Variants in ZC3H6 observed in about 807,000 individuals in gnomAD.
ZC3H6 encodes the protein zinc finger CCCH-type containing 6.
Under a neutral mutation model 107.7 loss-of-function variants are expected in ZC3H6, and 40 were observed. The ratio of observed to expected loss-of-function variants is 0.37; its 90% CI spans 0.29 to 0.48. The LOEUF is 0.48. Among genes scored for constraint, ZC3H6 ranks in the 20% least tolerant of loss-of-function variants. ZC3H6 has a pLI of 0.98. For synonymous variants in ZC3H6, 493 were observed against 487.9 expected, an observed-to-expected ratio of 1.01 and a Z score of -0.14; for missense variants, 1,267 against 1,410.4, an observed-to-expected ratio of 0.90 and a Z score of 1.63.
Position 112,311,831 on chromosome 2 carries a change from A to C in ZC3H6, c.641A>C (p.Asn214Thr). 3.7e-6 allele frequency: 6 copies of C among 1,612,768 alleles called. No homozygotes were observed. Among genetic ancestry groups the C allele is most frequent in the Non-Finnish European group, 5.1e-6 (6 of 1,179,196 alleles). ...QGIEQRVKSF[N>T]VGRGRGLPKK... is the part of the protein sequence containing the mutation. Reference sequence around the variant, plus strand: ...ATTGAACAGAGAGTTAAAAGTTTTAATGTTGGTCGTGGACGTGGCTTGCCG... The same window carrying C: ...ATTGAACAGAGAGTTAAAAGTTTTACTGTTGGTCGTGGACGTGGCTTGCCG... The change falls in exon 5 of 12, where the codon AAT becomes ACT. Residue 214 changes from asparagine to threonine, a missense_variant. Physicochemically the swap from Asn to Thr is moderately conservative, Grantham distance 65. This residue lies in a region of ZC3H6 where 337 missense variants were observed against 361.2 expected (regional missense o/e 0.93). Coordinates refer to ENST00000409871, the MANE Select transcript of ZC3H6 (RefSeq NM_198581.3).
chr2:112,307,633 C>T (rs1288020380), intron 3 of ZC3H6, among the ~76,000 whole-genome samples: 2 of 152,116 alleles, frequency 1.3e-5, no homozygotes, highest in Non-Finnish European at 2.9e-5. Flanking sequence ...CTCTGTCACC[C>T]TTCATTCATT....
intron 7 of ZC3H6, among the ~76,000 whole-genome samples, chr2:112,320,542 ATGT>A (rs1264641926): frequency 6.6e-6 from 1 of 152,184 alleles, no homozygotes; most frequent in African/African-American, 2.4e-5. Context: ...TTTAAAAAAA[ATGT>A]TGTAATAGTC....
At chr2:112,291,781 C>T (rs1214675023) in intron 1 of ZC3H6, among the ~76,000 whole-genome samples, 2 of 152,042 alleles carry the variant, frequency 1.3e-5, no homozygotes, top group Non-Finnish European at 2.9e-5. Flanking sequence ...TGCAGTGGCT[C>T]GATCTTAGCT....
In ZC3H6 at chr2:112,324,287, T is replaced by C; in HGVS notation, c.1476T>C (p.Pro492=). 1 of 1,614,026 alleles carries C rather than the reference T, an allele frequency of 6.2e-7. No homozygotes were observed. Among genetic ancestry groups the C allele is most frequent in the Non-Finnish European group, 8.5e-7 (1 of 1,179,874 alleles). ...GPNMSQGHSS[P]VMHPGSPGHH... ...ACATGTCTCAGGGACACAGTAGTCC[T>C]GTGATGCACCCAGGCTCCCCTGGAC... Residue 492 remains proline, a synonymous_variant, in exon 10 of 12, where the codon CCT becomes CCC. Coordinates refer to ENST00000409871, the MANE Select transcript of ZC3H6 (RefSeq NM_198581.3).
intron 1 of ZC3H6, among the ~76,000 whole-genome samples, chr2:112,277,453 T>C (rs551925660): frequency 2.6e-4 from 40 of 152,190 alleles, no homozygotes; most frequent in Non-Finnish European, 5.6e-4. Context: ...GTAACTTCTA[T>C]ATATGGAGTT....
rs2104732558 is a variant in ZC3H6 at position 112,337,555 on chromosome 2, C to T, written c.*5067C>T. ...CAGGCTGATCTTGAACTCCTGACCC[C>T]AGGTGATCCACCCGCCTCAACCTCC... is the stretch of plus-strand genomic sequence containing the variant. On this transcript the variant is annotated 3_prime_UTR_variant, in exon 12 of 12. Transcript: ENST00000409871. 6.6e-6 allele frequency: 1 copy of T among 152,208 alleles called. No individual in the cohort carries two copies. Among genetic ancestry groups the T allele is most frequent in the South Asian group, 2.1e-4 (1 of 4,808 alleles). 9.4% of individuals were successfully genotyped at this position (152,208 alleles called of 1,614,324 possible). A position where few individuals can be genotyped will look rare whatever the true frequency, so the allele number is the denominator to read the frequency against.
rs1676168277 is a variant in ZC3H6, at chr2:112,293,813, A to G, written c.33-6036A>G. Reference sequence around the variant, plus strand: ...GCAAGCTGACATATTCAGACAGTTTATTAATTACTTAGAGAAATGCATGAT... The same window carrying G: ...GCAAGCTGACATATTCAGACAGTTTGTTAATTACTTAGAGAAATGCATGAT... On this transcript the variant is annotated intron_variant, in intron 1 of 11. Coordinates refer to ENST00000409871, the MANE Select transcript of ZC3H6 (RefSeq NM_198581.3). Among the ~76,000 whole-genome samples, 3 of 152,246 alleles carry G rather than the reference A, an allele frequency of 2.0e-5. No homozygotes were observed. In the South Asian group the frequency reaches 6.2e-4, roughly 31 times the overall value.
chr2:112,276,094 C>CG, intron 1 of ZC3H6, 68 bp downstream of exon 1: 1 of 1,446,460 alleles, frequency 6.9e-7, no homozygotes, highest in Non-Finnish European at 9.4e-7. Context: ...GGGAGCGGGC[C>CG]GGGGCCGGGC....
rs189415576 is a variant in ZC3H6 at position 112,298,452 on chromosome 2, C to T, written c.33-1397C>T. ...TTGTAGTAAAACTAATCTGCTGATT[C>T]ACTGCTAAAGATGATCTAAATTGGT... On this transcript the variant is annotated intron_variant, in intron 1 of 11. Coordinates refer to ENST00000409871, the MANE Select transcript of ZC3H6 (RefSeq NM_198581.3). Among the ~76,000 whole-genome samples the T allele has an allele frequency of 5.9e-5, 9 of 152,336 alleles. No homozygotes were observed. The East Asian group carries it at 1.7e-3, about 29-fold the overall frequency.
chr2:112,305,751 C>T (rs1356669049), intron 3 of ZC3H6, among the ~76,000 whole-genome samples: 2 of 152,078 alleles, frequency 1.3e-5, no homozygotes, highest in African/African-American at 4.8e-5. Context: ...ATTTATTAGG[C>T]CAATGTGTTT....
chr2:112,303,329 A>G lies in ZC3H6; in HGVS notation c.314A>G (p.Asp105Gly), dbSNP rs558679292. 3.5e-5 allele frequency: 57 copies of G among 1,612,876 alleles called. 1 individual carries two copies. In the South Asian group the frequency reaches 5.4e-4, roughly 15 times the overall value. ...SHKKRTGFYR[D>G]YDIPFTQRGH... The stretch of plus-strand genomic sequence containing the variant: ...AAAAAAAGAACTGGTTTCTACAGGG[A>G]TTATGACATTCCATTTACTCAGGTA... The change falls in exon 3 of 12, where the codon GAT becomes GGT. Residue 105 changes from aspartate (D) to glycine (G), a missense_variant. By Grantham distance (94) the Asp-to-Gly change is moderately conservative. Coordinates refer to ENST00000409871, the MANE Select transcript of ZC3H6 (RefSeq NM_198581.3).
intron 5 of ZC3H6, among the ~76,000 whole-genome samples, chr2:112,315,294 T>A (rs1676677294): frequency 6.6e-6 from 1 of 152,204 alleles, no homozygotes; most frequent in African/African-American, 2.4e-5. Context: ...TCAGGAGAAG[T>A]AAGGAAAACA....
chr2:112,302,367 G>A (rs1214896435), intron 2 of ZC3H6, among the ~76,000 whole-genome samples: 1 of 152,108 alleles, frequency 6.6e-6, no homozygotes, highest in Admixed American at 6.5e-5. Context: ...CAAGATGGAG[G>A]AAAGCAATTT....
chr2:112,289,567 C>T (rs537093724), intron 1 of ZC3H6, among the ~76,000 whole-genome samples: 237 of 150,982 alleles, frequency 1.6e-3, no homozygotes, highest in African/African-American at 5.4e-3. Context: ...CCTTGTGATC[C>T]GCCTGCCTCG....
At chr2:112,279,212 T>G (rs1023609930) in intron 1 of ZC3H6, among the ~76,000 whole-genome samples, 5 of 152,210 alleles carry the variant, frequency 3.3e-5, no homozygotes, top group African/African-American at 1.2e-4. Context: ...TTCTTTTTCA[T>G]TCAGTTCTCT....
chr2:112,323,040 T>C (rs1676835765), intron 9 of ZC3H6, 138 bp downstream of exon 9: 2 of 929,882 alleles, frequency 2.2e-6, no homozygotes, highest in Non-Finnish European at 3.1e-6. Flanking sequence ...CGCAGATTGT[T>C]GCTTCCACCT....
Position 112,331,231 on chromosome 2 carries a change from T to G in ZC3H6, c.2313T>G (p.Pro771=). The G allele has an allele frequency of 6.2e-7, 1 of 1,613,598 alleles. No individual in the cohort carries two copies. Among genetic ancestry groups the G allele is most frequent in the Non-Finnish European group, 8.5e-7 (1 of 1,179,802 alleles). ...RTIPRQDIRK[P]SESAPLDLRL... is the part of the protein sequence containing the mutation. ...TCCCAAGGCAAGACATTAGAAAGCC[T>G]TCTGAGTCTGCCCCACTGGATCTTA... Residue 771 remains proline, a synonymous_variant, in exon 12 of 12, where the codon CCT becomes CCG. Transcript: ENST00000409871.
intron 2 of ZC3H6, 78 bp downstream of exon 2, chr2:112,300,107 CATT>C (rs1160525346): frequency 3.4e-5 from 33 of 984,046 alleles, no homozygotes; most frequent in East Asian, 2.6e-4. Context: ...AAGTAGAAGT[CATT>C]ATTTTATTAT....
At chr2:112,280,974 A>C (rs1362111480) in intron 1 of ZC3H6, among the ~76,000 whole-genome samples, 10 of 106,794 alleles carry the variant, frequency 9.4e-5, no homozygotes, top group Non-Finnish European at 1.4e-4. Flanking sequence ...TAGAAGGAAG[A>C]CAAGTTAGGA....
Sources: allele counts gnomAD v4.1 joint callset (sites outside exome capture counted in the v4.1 genomes callset), GRCh38; gene constraint gnomAD v4.1.1; regional missense constraint gnomAD v4.1.1; transcripts MANE v1.5; gene names NCBI Gene and HGNC (gene_info 2026-07-23, HGNC 2026-07-21).